DIS3L2: variants seen among roughly 807,000 people sequenced by gnomAD.
DIS3L2 encodes the protein DIS3-like exonuclease 2.
DIS3L2 carries 34 observed loss-of-function variants against 97.5 expected under a neutral mutation model. The observed-to-expected ratio is 0.35, with a 90% CI of 0.27 to 0.46. The LOEUF is 0.46. Among genes scored for constraint, DIS3L2 ranks in the 20% least tolerant of loss-of-function variants. The pLI is 1.00. For synonymous variants in DIS3L2, 435 were observed against 445.2 expected, an observed-to-expected ratio of 0.98 and a Z score of 0.29; for missense variants, 1,038 against 1,146.0, an observed-to-expected ratio of 0.91 and a Z score of 1.36.
At chr2:231,977,865 C>T (rs72985647) in intron 1 of DIS3L2, among the ~76,000 whole-genome samples, 1,707 of 152,276 alleles carry the variant, frequency 0.011, 19 homozygotes, top group Non-Finnish European at 0.016. Context: ...TTGTGTTACA[C>T]ATGTTTTTTG....
At chr2:231,982,876 C>T (rs1417968513) in intron 1 of DIS3L2, among the ~76,000 whole-genome samples, 2 of 152,040 alleles carry the variant, frequency 1.3e-5, no homozygotes, top group East Asian at 3.8e-4. Flanking sequence ...GACGAGGTTT[C>T]TCCGTGTTGG....
intron 10 of DIS3L2, among the ~76,000 whole-genome samples, chr2:232,227,308 C>T (rs1454800627): frequency 6.6e-6 from 1 of 152,134 alleles, no homozygotes; most frequent in African/African-American, 2.4e-5. Flanking sequence ...TGCTGAGGGG[C>T]GAGTCTCCAT....
chr2:232,072,783 G>GGGGGGTGT lies in DIS3L2; in HGVS notation c.367-14703_367-14702insGGGGTGTG, dbSNP rs1401996898. On this transcript the variant is annotated intron_variant, in intron 5 of 20. Transcript: ENST00000325385. ...AGATCAGCTGACAGTTGGGATGTGG[G>GGGGGGTGT]GTGTGTGTGTGTGTGTGTGTGTGTG... Among the ~76,000 whole-genome samples, 66 of 139,808 alleles carry GGGGGGTGT rather than the reference G, an allele frequency of 4.7e-4. 1 individual carries two copies. Among genetic ancestry groups the GGGGGGTGT allele is most frequent in the Non-Finnish European group, 8.9e-4 (59 of 65,990 alleles). 91.7% of individuals were successfully genotyped at this position (139,808 alleles called of 152,430 possible). A position where few individuals can be genotyped will look rare whatever the true frequency, so the allele number is the denominator to read the frequency against.
chr2:231,969,827 A>G (rs1416197250), intron 1 of DIS3L2, among the ~76,000 whole-genome samples: 2 of 151,398 alleles, frequency 1.3e-5, no homozygotes, highest in Non-Finnish European at 2.9e-5. Flanking sequence ...CACCATTTGT[A>G]TATGCATTTT....
intron 14 of DIS3L2, among the ~76,000 whole-genome samples, chr2:232,310,451 T>C (rs1695093242): frequency 6.6e-6 from 1 of 152,200 alleles, no homozygotes; most frequent in South Asian, 2.1e-4. Flanking sequence ...TCGGGTAGTG[T>C]TCAGCGAAGG....
chr2:232,326,167 A>C (rs1248081271), intron 14 of DIS3L2, among the ~76,000 whole-genome samples: 1 of 152,074 alleles, frequency 6.6e-6, no homozygotes, highest in African/African-American at 2.4e-5. Context: ...GAGCCTCCCC[A>C]TCCCAGGACC....
chr2:232,272,949 T>G (rs535078620), intron 13 of DIS3L2, among the ~76,000 whole-genome samples: 1 of 152,228 alleles, frequency 6.6e-6, no homozygotes, highest in East Asian at 1.9e-4. Context: ...AGCATTTCAC[T>G]TGCCTTCTGG....
chr2:232,181,795 C>G (rs909552536), intron 9 of DIS3L2, among the ~76,000 whole-genome samples: 39 of 150,860 alleles, frequency 2.6e-4, no homozygotes, highest in Admixed American at 6.7e-4. Flanking sequence ...CATCATCACA[C>G]CCAGCTAATT....
intron 13 of DIS3L2, among the ~76,000 whole-genome samples, chr2:232,342,549 A>T (rs1434151746): frequency 6.6e-6 from 1 of 152,230 alleles, no homozygotes; most frequent in Non-Finnish European, 1.5e-5. Flanking sequence ...ATTCATGCTA[A>T]TAGCACAGGA....
At chr2:232,126,098 C>T (rs927978116) in intron 6 of DIS3L2, among the ~76,000 whole-genome samples, 4 of 152,182 alleles carry the variant, frequency 2.6e-5, no homozygotes, top group Admixed American at 6.5e-5. Flanking sequence ...TTGTGTCTCA[C>T]CTAGATTCTA....
chr2:232,087,752 T>A (rs1357644959), intron 6 of DIS3L2, 31 bp downstream of exon 6: 17 of 1,530,556 alleles, frequency 1.1e-5, no homozygotes, highest in Non-Finnish European at 1.5e-5. Context: ...TTACTTTTTT[T>A]TTAAGTACAC....
intron 5 of DIS3L2, among the ~76,000 whole-genome samples, chr2:232,078,841 A>G (rs1408749237): frequency 6.6e-6 from 1 of 152,140 alleles, no homozygotes; most frequent in Non-Finnish European, 1.5e-5. Flanking sequence ...TTGGGACTTC[A>G]AAGAAAGAGA....
intron 11 of DIS3L2, among the ~76,000 whole-genome samples, chr2:232,247,630 GGGGGGCGGGGGGGA>G (rs1559173622): frequency 7.9e-4 from 52 of 66,106 alleles, no homozygotes; most frequent in Middle Eastern, 5.0e-3. Context: ...GGGGGGGGGG[GGGGGGCGGGGGGGA>G]GGGTGCCAAT....
intron 11 of DIS3L2, among the ~76,000 whole-genome samples, chr2:232,239,450 G>A (rs1216076074): frequency 6.6e-6 from 1 of 152,166 alleles, no homozygotes; most frequent in Admixed American, 6.5e-5. Context: ...AATTCTGCCA[G>A]GTTTCTTTCT....
downstream of DIS3L2, among the ~76,000 whole-genome samples, chr2:232,340,462 C>T (rs1018129698): frequency 3.9e-5 from 6 of 152,140 alleles, no homozygotes; most frequent in African/African-American, 1.4e-4. Context: ...GCACCTGTCC[C>T]GACCTCTTAC....
rs138243557 is a variant in DIS3L2 at position 232,253,297 on chromosome 2, C to T, written c.1425+3951C>T. Among the ~76,000 whole-genome samples the T allele has an allele frequency of 8.6e-3, 1,304 of 152,328 alleles. 22 individuals carry two copies. Among genetic ancestry groups the T allele is most frequent in the Admixed American group, 0.048 (738 of 15,302 alleles). Reference sequence around the variant, plus strand: ...TGCACCAAGGCAGCCACTTTACCCACGAGGGCTTTTGTGCCACCAGTGTAA... The same window carrying T: ...TGCACCAAGGCAGCCACTTTACCCATGAGGGCTTTTGTGCCACCAGTGTAA... On this transcript the variant is annotated intron_variant, in intron 12 of 20. Transcript: ENST00000325385.
In DIS3L2 at chr2:231,989,339, T is replaced by TTGTGTGTGTGTG. The variant is rs59088969; in HGVS notation, c.-93-25472_-93-25461dup. On this transcript the variant is annotated intron_variant, in intron 1 of 20. Transcript: ENST00000325385. ...TTTAAAAATGTATGTGTCAGTATAA[T>TTGTGTGTGTGTG]TGTGTGTGTGTGTGTGTGTGTGTGT... 4.0e-4 allele frequency among the ~76,000 whole-genome samples: 58 copies of TTGTGTGTGTGTG among 146,794 alleles called. 1 individual carries two copies. The South Asian group carries it at 7.2e-3, about 18-fold the overall frequency.
chr2:231,983,759 T>C (rs1216638684), intron 1 of DIS3L2, among the ~76,000 whole-genome samples: 5 of 151,910 alleles, frequency 3.3e-5, no homozygotes, highest in African/African-American at 9.7e-5. Context: ...CATGGTGGCA[T>C]GCACCTGTAA....
intron 1 of DIS3L2, among the ~76,000 whole-genome samples, chr2:231,971,502 C>G (rs1294703405): frequency 6.6e-6 from 1 of 152,028 alleles, no homozygotes; most frequent in East Asian, 1.9e-4. Context: ...GGCTGGAGTG[C>G]AGTGGCGCCA....
Sources: gnomAD v4.1 joint callset for allele counts (sites outside exome capture counted in the v4.1 genomes callset) on GRCh38, gnomAD v4.1.1 for gene constraint, MANE v1.5 for transcripts, NCBI Gene and HGNC (gene_info 2026-07-23, HGNC 2026-07-21) for gene names.